KIAA1217: variants seen among roughly 807,000 people sequenced by gnomAD.
The protein encoded by KIAA1217 is KIAA1217, also known as sickle tail protein homolog.
In KIAA1217, 88 loss-of-function variants were observed where a neutral mutation model predicts 163.9. The observed-to-expected ratio is 0.54, with a 90% confidence interval of 0.45 to 0.64. KIAA1217 has a LOEUF of 0.64. Ranked by LOEUF, KIAA1217 falls within the 30% of genes least tolerant of loss-of-function variation. The probability of loss-of-function intolerance (pLI) is 0.00; values close to 1 mark genes in which losing one functional copy is unlikely to be tolerated. For missense variants in KIAA1217, 2,372 were observed against 2,475.0 expected (o/e 0.96, Z 0.88); for synonymous variants, 903 against 923.1 (o/e 0.98, Z 0.39).
Position 24,276,919 on chromosome 10 carries a change from AT to A in KIAA1217, c.354+57012del, listed in dbSNP as rs2077364449. On this transcript the variant is annotated intron_variant, in intron 2 of 20. Coordinates refer to ENST00000376454, the MANE Select transcript of KIAA1217 (RefSeq NM_019590.5). Reference sequence around the variant, plus strand: ...CACCACACCCAGCCAAGTCCAGCTAATTAAAAAAAAAATAAAAATCGTAGAG... The same window carrying A: ...CACCACACCCAGCCAAGTCCAGCTAATAAAAAAAAAATAAAAATCGTAGAG... 6.0e-5 allele frequency among the ~76,000 whole-genome samples: 8 copies of A among 134,190 alleles called. No homozygotes were observed. In the Admixed American group the frequency reaches 7.0e-4, roughly 12 times the overall value. 88.0% of individuals were successfully genotyped at this position (134,190 alleles called of 152,430 possible). A position where few individuals can be genotyped will look rare whatever the true frequency, so the allele number is the denominator to read the frequency against.
At chr10:24,488,240 G>T (rs1325140348) in intron 6 of KIAA1217, among the ~76,000 whole-genome samples, 1 of 152,146 alleles carries the variant, frequency 6.6e-6, no homozygotes. Context: ...TGTAGGGGTT[G>T]TAAGTATGGA....
intron 3 of KIAA1217, among the ~76,000 whole-genome samples, chr10:24,402,516 C>CAAAAAAAAAAAAAAAAAAAAAAAAAAAAA (rs372012492): frequency 1.1e-5 from 1 of 93,004 alleles, no homozygotes; most frequent in African/African-American, 4.3e-5. Flanking sequence ...CTCAAAAAAA[C>CAAAAAAAAAAAAAAAAAAAAAAAAAAAAA]AAAAAACAAA....
chr10:23,866,612 G>GC (rs1382595916), intron 1 of KIAA1217, among the ~76,000 whole-genome samples: 1 of 151,846 alleles, frequency 6.6e-6, no homozygotes, highest in Non-Finnish European at 1.5e-5. Flanking sequence ...ATCCCACCGT[G>GC]CACCCTACCC....
intron 2 of KIAA1217, among the ~76,000 whole-genome samples, chr10:24,059,677 ACGC>A (rs1564648627): frequency 6.6e-6 from 1 of 152,084 alleles, no homozygotes; most frequent in African/African-American, 2.4e-5. Context: ...TTTCGGGTTC[ACGC>A]CATTGTCTTG....
At chr10:23,737,678 G>T (rs563203985) in intron 1 of KIAA1217, among the ~76,000 whole-genome samples, 1 of 152,062 alleles carries the variant, frequency 6.6e-6, no homozygotes, top group Non-Finnish European at 1.5e-5. Context: ...ATGAAATTTT[G>T]CTTTCTGTTT....
At chr10:24,359,340 G>A (rs1317917143) in intron 2 of KIAA1217, among the ~76,000 whole-genome samples, 1 of 151,948 alleles carries the variant, frequency 6.6e-6, no homozygotes, top group African/African-American at 2.4e-5. Context: ...TGATCTGCCC[G>A]CCTCGGCCTC....
intron 1 of KIAA1217, among the ~76,000 whole-genome samples, chr10:23,979,556 A>G (rs768118316): frequency 5.3e-5 from 8 of 152,152 alleles, no homozygotes; most frequent in African/African-American, 9.7e-5. Context: ...CCATTTTATT[A>G]TAAAATAAAA....
At chr10:23,952,567 C>T (rs1844388423) in intron 1 of KIAA1217, among the ~76,000 whole-genome samples, 1 of 152,182 alleles carries the variant, frequency 6.6e-6, no homozygotes, top group South Asian at 2.1e-4. Flanking sequence ...AGTACTCTTC[C>T]TGGCCATTTT....
chr10:24,348,524 T>G (rs1333672401), intron 2 of KIAA1217, among the ~76,000 whole-genome samples: 1 of 152,176 alleles, frequency 6.6e-6, no homozygotes, highest in Non-Finnish European at 1.5e-5. Flanking sequence ...GGAAATAAAA[T>G]TCTAAATTTA....
chr10:23,758,605 TC>T (rs1229147154), intron 1 of KIAA1217, among the ~76,000 whole-genome samples: 1 of 147,714 alleles, frequency 6.8e-6, no homozygotes, highest in African/African-American at 2.6e-5. Flanking sequence ...TCTTTTCTTT[TC>T]TCTTTCTTTC....
chr10:24,417,777 A>G (rs1201733864), intron 3 of KIAA1217, among the ~76,000 whole-genome samples: 1 of 152,076 alleles, frequency 6.6e-6, no homozygotes, highest in African/African-American at 2.4e-5. Context: ...TTGAAAAATT[A>G]GGGTGTCCGT....
chr10:24,530,622 C>A (rs555351488), intron 14 of KIAA1217, among the ~76,000 whole-genome samples: 2 of 152,140 alleles, frequency 1.3e-5, no homozygotes, highest in African/African-American at 4.8e-5. Flanking sequence ...TAAAGGCTGG[C>A]GTGGTGGCTC....
chr10:23,775,210 G>C (rs1294433220), intron 1 of KIAA1217, among the ~76,000 whole-genome samples: 1 of 152,170 alleles, frequency 6.6e-6, no homozygotes, highest in African/African-American at 2.4e-5. Context: ...GTGGAAGGGA[G>C]ATGAGGAGAT....
intron 1 of KIAA1217, among the ~76,000 whole-genome samples, chr10:23,897,323 C>G (rs1353425355): frequency 6.6e-6 from 1 of 152,012 alleles, no homozygotes; most frequent in Non-Finnish European, 1.5e-5. Flanking sequence ...CGCAGCAACC[C>G]AAGTTGTCTG....
At chr10:24,275,733 T>C (rs974227979) in intron 2 of KIAA1217, 19 of 533,376 alleles carry the variant, frequency 3.6e-5, no homozygotes, top group Non-Finnish European at 6.6e-5. Flanking sequence ...GCTTCCCATT[T>C]AAAAGTAATG....
intron 1 of KIAA1217, among the ~76,000 whole-genome samples, chr10:23,797,026 C>G (rs1449438284): frequency 6.6e-6 from 1 of 152,100 alleles, no homozygotes; most frequent in Non-Finnish European, 1.5e-5. Flanking sequence ...CTAATTGTTT[C>G]TTAATTTTTT....
chr10:24,127,430 C>CT (rs1215228213), intron 2 of KIAA1217, among the ~76,000 whole-genome samples: 1 of 152,090 alleles, frequency 6.6e-6, no homozygotes, highest in Non-Finnish European at 1.5e-5. Flanking sequence ...TATTGAGAGA[C>CT]TAGAAGAGAC....
At chr10:24,509,292 A>C (rs192622591) in intron 9 of KIAA1217, among the ~76,000 whole-genome samples, 2 of 152,312 alleles carry the variant, frequency 1.3e-5, no homozygotes, top group East Asian at 3.9e-4. Context: ...GAAAGCAGAC[A>C]GAGAACCTAT....
chr10:23,872,069 C>T (rs760479507), intron 1 of KIAA1217, among the ~76,000 whole-genome samples: 5 of 151,960 alleles, frequency 3.3e-5, no homozygotes, highest in Non-Finnish European at 7.4e-5. Flanking sequence ...TGCATTTGTC[C>T]ATTTGGGGAA....
Sources: gnomAD v4.1 joint callset for allele counts (sites outside exome capture counted in the v4.1 genomes callset) on GRCh38, gnomAD v4.1.1 for gene constraint, MANE v1.5 for transcripts, NCBI Gene and HGNC (gene_info 2026-07-23, HGNC 2026-07-21) for gene names.